SMARCA4: variants seen among roughly 807,000 people sequenced by gnomAD.
SMARCA4 encodes SWI/SNF-related matrix-associated actin-dependent regulator of chromatin subfamily A member 4.
SMARCA4 carries 31 observed loss-of-function variants against 193.9 expected under a neutral mutation model. That is an observed-to-expected ratio of 0.16 (90% CI 0.12 to 0.22). SMARCA4 has a LOEUF of 0.22. Among genes scored for constraint, SMARCA4 ranks in the 10% least tolerant of loss-of-function variants. The pLI is 1.00. For missense variants in SMARCA4, 1,148 were observed against 2,296.0 expected (o/e 0.50, Z 10.22); for synonymous variants, 942 against 933.1 (o/e 1.01, Z -0.17).
Position 11,034,787 on chromosome 19 carries a change from T to A in SMARCA4, c.3952-127T>A, listed in dbSNP as rs2146691585. ...CACTGAAAAATCGAGAGCTACTGTT[T>A]AACTCTCGCAGCAGCGTGGAGCCCC... On this transcript the variant is annotated intron_variant, in intron 28 of 34. Coordinates refer to ENST00000344626, the MANE Select transcript of SMARCA4 (RefSeq NM_003072.5). This position sits in a 1 kb window ranked among gnomAD's most constrained non-coding sequence, Gnocchi z 7.0. 1 of 724,422 alleles carries A rather than the reference T, an allele frequency of 1.4e-6. No homozygotes were observed. Among genetic ancestry groups the A allele is most frequent in the Non-Finnish European group, 2.4e-6 (1 of 408,916 alleles). The allele number at this position is 724,422 out of a possible 1,614,324, so 44.9% of individuals were successfully genotyped here. A position where few individuals can be genotyped will look rare whatever the true frequency, so the allele number is the denominator to read the frequency against.
intron 20 of SMARCA4, 85 bp from the exon 21 acceptor site, chr19:11,024,246 C>T (rs770449570): frequency 8.2e-5 from 74 of 901,038 alleles, no homozygotes; most frequent in Middle Eastern, 4.3e-4. Context: ...ATGACAGGGC[C>T]GAGGGGGTCA....
Position 11,041,357 on chromosome 19 carries a change from G to T in SMARCA4, c.4221G>T (p.Lys1407Asn), listed in dbSNP as rs1384070535. 1 of 1,612,526 alleles carries T rather than the reference G, an allele frequency of 6.2e-7. No homozygotes were observed. Among genetic ancestry groups the T allele is most frequent in the Non-Finnish European group, 8.5e-7 (1 of 1,180,016 alleles). The change falls in exon 30 of 35, where the codon AAG (lysine) becomes AAT (asparagine). Residue 1407 changes from lysine (K) to asparagine (N), a missense_variant. Lys to Asn is a moderately conservative substitution (Grantham distance 94). This residue lies in a region of SMARCA4 where 141 missense variants were observed against 193.0 expected (regional missense o/e 0.73). Coordinates refer to ENST00000344626, the MANE Select transcript of SMARCA4 (RefSeq NM_003072.5). The surrounding 1 kb of genome is among the most constrained non-coding windows in gnomAD (Gnocchi z 5.6). ...AGATCGAAGAGGAGGTCCGGCAGAA[G>T]AAATCATCACGGAAGCGCAAGCGAG... Reference protein sequence around the residue: ...LEEIEEEVRQKKSSRKRKRDS... With the variant: ...LEEIEEEVRQNKSSRKRKRDS...
intron 16 of SMARCA4, among the ~76,000 whole-genome samples, chr19:11,014,061 C>T (rs903955877): frequency 2.0e-5 from 3 of 152,128 alleles, no homozygotes; most frequent in Admixed American, 2.0e-4. Flanking sequence ...AGACAGTCAC[C>T]GGCCTGGGGG....
chr19:10,989,554 A>G lies in SMARCA4; in HGVS notation c.1245+111A>G, dbSNP rs1452775259. On this transcript the variant is annotated intron_variant, in intron 7 of 34. Coordinates refer to ENST00000344626, the MANE Select transcript of SMARCA4 (RefSeq NM_003072.5). ...TAGTATTACACCTGCCTGGGCTGTGAAAAGCAGCCGTGGCCATCCATGGGC... is the reference window on the plus strand; with the variant it reads ...TAGTATTACACCTGCCTGGGCTGTGGAAAGCAGCCGTGGCCATCCATGGGC... The G allele has an allele frequency of 3.8e-6, 5 of 1,304,578 alleles. No homozygotes were observed. The East Asian group carries it at 1.2e-4, about 31-fold the overall frequency. The allele number at this position is 1,304,578 out of a possible 1,614,324, so 80.8% of individuals were successfully genotyped here. A position where few individuals can be genotyped will look rare whatever the true frequency, so the allele number is the denominator to read the frequency against.
chr19:11,028,488 C>T (rs1600341440), intron 24 of SMARCA4, among the ~76,000 whole-genome samples: 1 of 152,218 alleles, frequency 6.6e-6, no homozygotes, highest in African/African-American at 2.4e-5. Context: ...ATCCCTGGGC[C>T]ATTCGTAGCA....
At chr19:11,025,620 G>A in intron 22 of SMARCA4, 112 bp downstream of exon 22, 3 of 775,278 alleles carry the variant, frequency 3.9e-6, no homozygotes, top group South Asian at 1.4e-5. Context: ...TTTTCATTAG[G>A]TAATGCCTGT....
intron 1 of SMARCA4, among the ~76,000 whole-genome samples, chr19:10,974,117 G>A (rs2084906700): frequency 6.6e-6 from 1 of 152,124 alleles, no homozygotes; most frequent in South Asian, 2.1e-4. Flanking sequence ...TCTCATGCAA[G>A]GTGAAAACAA....
chr19:11,023,152 G>T (rs1362063487), intron 19 of SMARCA4, among the ~76,000 whole-genome samples: 1 of 152,150 alleles, frequency 6.6e-6, no homozygotes, highest in African/African-American at 2.4e-5. Flanking sequence ...CCCCTGCAGC[G>T]CTCCTGGCAT....
chr19:10,986,769 G>C lies in SMARCA4; in HGVS notation c.761-136G>C, dbSNP rs1246011177. 6.6e-6 allele frequency: 8 copies of C among 1,216,960 alleles called. No individual in the cohort carries two copies. Among genetic ancestry groups the C allele is most frequent in the Non-Finnish European group, 9.4e-6 (8 of 851,504 alleles). The allele number at this position is 1,216,960 out of a possible 1,614,324, so 75.4% of individuals were successfully genotyped here. ...GGGGCAGCTAAATGCTGCTTCCCCAGCTCCCCGCTTCCCCTGGGGCCGCTG... is the reference window on the plus strand; with the variant it reads ...GGGGCAGCTAAATGCTGCTTCCCCACCTCCCCGCTTCCCCTGGGGCCGCTG... On this transcript the variant is annotated intron_variant, in intron 4 of 34. Transcript: ENST00000344626. This position sits in a 1 kb window ranked among gnomAD's most constrained non-coding sequence, Gnocchi z 6.7.
intron 8 of SMARCA4, among the ~76,000 whole-genome samples, chr19:10,992,199 T>C (rs986602557): frequency 3.3e-5 from 5 of 149,610 alleles, no homozygotes; most frequent in Non-Finnish European, 5.9e-5. Context: ...GCAACCTCCA[T>C]CTCCTGGGTT....
At position 10,979,031 on chromosome 19, in the gene SMARCA4, G is replaced by C. The variant is rs574780315; in HGVS notation, c.-31-5090G>C. On this transcript the variant is annotated intron_variant, in intron 1 of 34. Transcript: ENST00000344626. ...GGTGCTCCGTGCCATTAGTTGTGAG[G>C]GACATGCAAATGAAGACCATAAGAA... 1.4e-4 allele frequency among the ~76,000 whole-genome samples: 22 copies of C among 152,152 alleles called. 1 individual carries two copies. Among genetic ancestry groups the C allele is most frequent in the African/African-American group, 5.3e-4 (22 of 41,514 alleles).
chr19:11,044,864 G>A (rs1282869355), intron 30 of SMARCA4, among the ~76,000 whole-genome samples: 1 of 152,170 alleles, frequency 6.6e-6, no homozygotes, highest in Non-Finnish European at 1.5e-5. Flanking sequence ...TAGCCACTTT[G>A]GTCATAATCT....
rs755703221 is a variant in SMARCA4, at chr19:10,987,151, C to A, written c.859+148C>A. 5 of 683,068 alleles carry A rather than the reference C, an allele frequency of 7.3e-6. No homozygotes were observed. The highest frequency in any genetic ancestry group is 1.3e-5 in the Non-Finnish European group (5 of 378,166). The allele number at this position is 683,068 out of a possible 1,614,324, so 42.3% of individuals were successfully genotyped here. A position where few individuals can be genotyped will look rare whatever the true frequency, so the allele number is the denominator to read the frequency against. The stretch of plus-strand genomic sequence containing the variant: ...ACTTTTCTTGTGGTGGTCCCCGGGT[C>A]TCCCCTGTAGCCAGTCAGTTCCCAA... On this transcript the variant is annotated intron_variant, in intron 5 of 34. Coordinates refer to ENST00000344626, the MANE Select transcript of SMARCA4 (RefSeq NM_003072.5). The surrounding 1 kb of genome is among the most constrained non-coding windows in gnomAD (Gnocchi z 5.3).
At chr19:11,051,613 C>G (rs2076266637) in intron 30 of SMARCA4, among the ~76,000 whole-genome samples, 1 of 151,730 alleles carries the variant, frequency 6.6e-6, no homozygotes, top group African/African-American at 2.4e-5. Context: ...GTTTCAGCCT[C>G]CCGAGTAGCT....
At chr19:11,060,491 G>T in intron 34 of SMARCA4, 1 of 514,486 alleles carries the variant, frequency 1.9e-6, no homozygotes. Flanking sequence ...CTCCTGGGCT[G>T]AGGCCGGGCA....
At chr19:11,016,767 T>A (rs2089402214) in intron 16 of SMARCA4, among the ~76,000 whole-genome samples, 1 of 152,168 alleles carries the variant, frequency 6.6e-6, no homozygotes, top group Admixed American at 6.5e-5. Flanking sequence ...CTTTGGCCAC[T>A]GGGAGTGCTT....
chr19:11,025,521 C>T lies in SMARCA4; in HGVS notation c.3168+13C>T, dbSNP rs535641983. 4.9e-5 allele frequency: 79 copies of T among 1,602,440 alleles called. No homozygotes were observed. The highest frequency in any genetic ancestry group is 3.2e-4 in the Admixed American group (19 of 60,002). ...CCAGCACATCGAGGTGAGCCCGCCGCGGCTGGGACGGCTCAGGCCCTGCTG... is the reference window on the plus strand; with the variant it reads ...CCAGCACATCGAGGTGAGCCCGCCGTGGCTGGGACGGCTCAGGCCCTGCTG... On this transcript the variant is annotated intron_variant, in intron 22 of 34. Coordinates refer to ENST00000344626, the MANE Select transcript of SMARCA4 (RefSeq NM_003072.5).
At chr19:11,011,193 G>A (rs74686233) in intron 15 of SMARCA4, 4,452 of 153,546 alleles carry the variant, frequency 0.029, 102 homozygotes, top group Non-Finnish European at 0.041. Context: ...CCAAAGAACA[G>A]CTCTCTCTGG....
chr19:11,010,895 G>T (rs1182813923), intron 15 of SMARCA4: 3 of 356,728 alleles, frequency 8.4e-6, no homozygotes, highest in African/African-American at 6.4e-5. Flanking sequence ...CAGGGCCGGA[G>T]CTCAGATCTG....
Sources: gnomAD v4.1 joint callset for allele counts (sites outside exome capture counted in the v4.1 genomes callset) on GRCh38, gnomAD v4.1.1 for gene constraint, gnomAD v4.1.1 regional missense constraint, Gnocchi (gnomAD v3.1) non-coding constraint, MANE v1.5 for transcripts, NCBI Gene and HGNC (gene_info 2026-07-23, HGNC 2026-07-21) for gene names.